RASSF8: variants seen among roughly 807,000 people sequenced by gnomAD.
The protein encoded by RASSF8 is ras association domain-containing protein 8.
Under a neutral mutation model 48.5 loss-of-function variants are expected in RASSF8, and 22 were observed. That is an observed-to-expected ratio of 0.45 (90% CI 0.32 to 0.65). The LOEUF (loss-of-function observed/expected upper bound fraction) is 0.65. Ranked by LOEUF, RASSF8 falls within the 30% of genes least tolerant of loss-of-function variation. The pLI, the probability that RASSF8 is intolerant of heterozygous loss-of-function variation, is 0.03. For synonymous variants in RASSF8, 127 were observed against 171.5 expected, an observed-to-expected ratio of 0.74 and a Z score of 2.03; for missense variants, 418 against 489.2, an observed-to-expected ratio of 0.85 and a Z score of 1.37.
At chr12:25,984,701 T>C (rs1414788221) in intron 1 of RASSF8, among the ~76,000 whole-genome samples, 1 of 152,204 alleles carries the variant, frequency 6.6e-6, no homozygotes. Context: ...TGTTACCTTT[T>C]AGTGGAGGAC....
intron 1 of RASSF8, among the ~76,000 whole-genome samples, chr12:25,980,678 A>G (rs1424244990): frequency 1.3e-5 from 2 of 152,134 alleles, no homozygotes; most frequent in Admixed American, 6.5e-5. Flanking sequence ...TCTAAGTCCT[A>G]TGAGAAGGGA....
At chr12:25,992,598 T>C (rs1451551751) in intron 1 of RASSF8, among the ~76,000 whole-genome samples, 1 of 151,960 alleles carries the variant, frequency 6.6e-6, no homozygotes, top group Non-Finnish European at 1.5e-5. Flanking sequence ...AGCACAAAAA[T>C]TTGGTAAGGC....
rs1260226154 is a variant in RASSF8, at chr12:26,070,723, T to G, written c.*1905T>G. ...ATTCTGTATAAAGTCATTTTGTTGTTGTTCAGAGAAATCAAGATCTTATTC... is the reference window on the plus strand; with the variant it reads ...ATTCTGTATAAAGTCATTTTGTTGTGGTTCAGAGAAATCAAGATCTTATTC... On this transcript the variant is annotated 3_prime_UTR_variant, in exon 6 of 6. Transcript: ENST00000689635. The G allele has an allele frequency of 1.1e-6, 1 of 886,714 alleles. No individual in the cohort carries two copies. Among genetic ancestry groups the G allele is most frequent in the Non-Finnish European group, 1.3e-6 (1 of 747,214 alleles). 54.9% of individuals were successfully genotyped at this position (886,714 alleles called of 1,614,324 possible). A position where few individuals can be genotyped will look rare whatever the true frequency, so the allele number is the denominator to read the frequency against.
Position 26,070,442 on chromosome 12 carries a change from A to G in RASSF8, c.*1624A>G. 1 of 985,352 alleles carries G rather than the reference A, an allele frequency of 1.0e-6. No homozygotes were observed. The highest frequency in any genetic ancestry group is 1.2e-6 in the Non-Finnish European group (1 of 829,894). The allele number at this position is 985,352 out of a possible 1,614,324, so 61.0% of individuals were successfully genotyped here. A position where few individuals can be genotyped will look rare whatever the true frequency, so the allele number is the denominator to read the frequency against. ...CTTTTCTAGTGCAGCTAAGTGGCGGACCTCAACTGAAGATATGAGTTTCTT... is the reference window on the plus strand; with the variant it reads ...CTTTTCTAGTGCAGCTAAGTGGCGGGCCTCAACTGAAGATATGAGTTTCTT... On this transcript the variant is annotated 3_prime_UTR_variant, in exon 6 of 6. Transcript: ENST00000689635.
intron 2 of RASSF8, among the ~76,000 whole-genome samples, chr12:26,017,150 T>C (rs978122077): frequency 2.0e-5 from 3 of 152,168 alleles, no homozygotes; most frequent in Non-Finnish European, 4.4e-5. Flanking sequence ...TTGGTTGCTT[T>C]TGTCTTTATA....
intron 2 of RASSF8, among the ~76,000 whole-genome samples, chr12:26,050,030 G>A (rs951491514): frequency 6.6e-5 from 10 of 152,044 alleles, no homozygotes; most frequent in Non-Finnish European, 1.0e-4. Context: ...TGATCTGCCC[G>A]CCTCGGCCTC....
chr12:25,978,486 G>A (rs1180807094), intron 1 of RASSF8, among the ~76,000 whole-genome samples: 2 of 152,182 alleles, frequency 1.3e-5, no homozygotes. Context: ...CCAGTCCAGA[G>A]TGTTTTAGAT....
rs533589017 is a variant in RASSF8, at chr12:26,054,549, G to T, written c.-108-687G>T. Among the ~76,000 whole-genome samples, 445 of 152,306 alleles carry T rather than the reference G, an allele frequency of 2.9e-3. 1 individual carries two copies. The highest frequency in any genetic ancestry group is 0.01 in the African/African-American group (425 of 41,562). ...AAAGGAATTCGTTTCCTTTGACTAA[G>T]ATTTTTTACCCACCTGCCCTCATGC... On this transcript the variant is annotated intron_variant, in intron 2 of 5. Transcript: ENST00000689635.
At chr12:26,050,813 T>G (rs1038582371) in intron 2 of RASSF8, among the ~76,000 whole-genome samples, 2 of 152,256 alleles carry the variant, frequency 1.3e-5, no homozygotes, top group Admixed American at 1.3e-4. Flanking sequence ...CTCATTTTGC[T>G]GGCATGTGTT....
At chr12:25,987,430 A>G (rs1941912621) in intron 1 of RASSF8, among the ~76,000 whole-genome samples, 1 of 152,204 alleles carries the variant, frequency 6.6e-6, no homozygotes, top group Non-Finnish European at 1.5e-5. Flanking sequence ...GAGTATACCA[A>G]AATTGAGCCA....
chr12:26,033,629 A>G (rs185800960), intron 2 of RASSF8, among the ~76,000 whole-genome samples: 2 of 152,246 alleles, frequency 1.3e-5, no homozygotes, highest in East Asian at 3.9e-4. Context: ...GAGGCATAAG[A>G]TGAATAGTAT....
rs1441583516 is a variant in RASSF8 at position 25,995,037 on chromosome 12, G to A, written c.-202G>A. 6.6e-6 allele frequency: 1 copy of A among 152,122 alleles called. No individual in the cohort carries two copies. Among genetic ancestry groups the A allele is most frequent in the African/African-American group, 2.4e-5 (1 of 41,406 alleles). 9.4% of individuals were successfully genotyped at this position (152,122 alleles called of 1,614,324 possible). A position where few individuals can be genotyped will look rare whatever the true frequency, so the allele number is the denominator to read the frequency against. The stretch of plus-strand genomic sequence containing the variant: ...GTAAGAACCCTATGTACCTTTGCAG[G>A]TGCCTGTGTAGATCATCCTAGAATA... On this transcript the variant is annotated splice_region_variant and 5_prime_UTR_variant, in exon 2 of 6. In the 5' UTR this introduces an upstream ATG that the reference lacks. Transcript: ENST00000689635.
At chr12:25,969,060 C>T (rs1015997742) in intron 1 of RASSF8, among the ~76,000 whole-genome samples, 19 of 152,138 alleles carry the variant, frequency 1.2e-4, no homozygotes, top group African/African-American at 4.3e-4. Context: ...AGCCACCATG[C>T]GGGTAAGGCT....
intron 2 of RASSF8, among the ~76,000 whole-genome samples, chr12:26,015,561 C>G (rs540282090): frequency 6.6e-6 from 1 of 152,042 alleles, no homozygotes; most frequent in Admixed American, 6.5e-5. Flanking sequence ...TGTGTGAGGC[C>G]GTGGAAAACT....
intron 5 of RASSF8, 108 bp from the exon 6 acceptor site, chr12:26,068,589 G>T: frequency 1.2e-6 from 1 of 849,454 alleles, no homozygotes; most frequent in South Asian, 1.6e-5. Flanking sequence ...TGCAATTATT[G>T]CTCTATGCAG....
rs1943848255 is a variant in RASSF8, at chr12:26,065,339, C to T, written c.945C>T (p.Gly315=). 6.2e-7 allele frequency: 1 copy of T among 1,613,866 alleles called. No homozygotes were observed. Among genetic ancestry groups the T allele is most frequent in the Non-Finnish European group, 8.5e-7 (1 of 1,179,970 alleles). ...QGQQSLRLEN[G]IKAVERSLGQ... The stretch of plus-strand genomic sequence containing the variant: ...AGCAGAGTCTGAGGTTGGAAAATGG[C>T]ATCAAAGCTGTGGAAAGATCTCTTG... The change falls in exon 4 of 6, where the codon GGC becomes GGT. Residue 315 remains glycine, a synonymous_variant. Transcript: ENST00000689635.
chr12:25,984,037 C>T (rs829983), intron 1 of RASSF8, among the ~76,000 whole-genome samples: 136,459 of 152,130 alleles, frequency 0.9, 61,337 homozygotes, highest in East Asian at 0.99. Context: ...TGAAGTAGTA[C>T]ATTGTTTAAG....
At chr12:26,029,378 C>T (rs1942982131) in intron 2 of RASSF8, among the ~76,000 whole-genome samples, 1 of 152,176 alleles carries the variant, frequency 6.6e-6, no homozygotes, top group African/African-American at 2.4e-5. Context: ...TTCAGAAGCC[C>T]TGCTTTTTAA....
Position 26,069,558 on chromosome 12 carries a change from A to G in RASSF8, c.*740A>G, listed in dbSNP as rs370527260. The G allele has an allele frequency of 2.1e-4, 205 of 985,462 alleles. 2 individuals are homozygous for G. The South Asian group carries it at 8.6e-3, about 41-fold the overall frequency. 61.0% of individuals were successfully genotyped at this position (985,462 alleles called of 1,614,324 possible). On this transcript the variant is annotated 3_prime_UTR_variant, in exon 6 of 6. Transcript: ENST00000689635. ...ATTTGCAGTGTTTCAGACACTGTTGAACAAAAATGTAATTGGTAAGTATGT... is the reference window on the plus strand; with the variant it reads ...ATTTGCAGTGTTTCAGACACTGTTGGACAAAAATGTAATTGGTAAGTATGT...
Sources: allele counts gnomAD v4.1 joint callset (sites outside exome capture counted in the v4.1 genomes callset), GRCh38; gene constraint gnomAD v4.1.1; transcripts MANE v1.5; gene names NCBI Gene and HGNC (gene_info 2026-07-23, HGNC 2026-07-21).